SCAF4: variants seen among roughly 807,000 people sequenced by gnomAD.
SCAF4 encodes the protein SR-related CTD associated factor 4.
SCAF4 carries 25 observed loss-of-function variants against 129.8 expected under a neutral mutation model. The ratio of observed to expected loss-of-function variants is 0.19; its 90% CI spans 0.14 to 0.27. The LOEUF is 0.27. Ranked by LOEUF, SCAF4 falls within the 10% of genes least tolerant of loss-of-function variation. The pLI, the probability that SCAF4 is intolerant of heterozygous loss-of-function variation, is 1.00. For missense variants in SCAF4, 1,246 were observed against 1,457.1 expected (o/e 0.86, Z 2.36); for synonymous variants, 551 against 497.7 (o/e 1.11, Z -1.43).
In SCAF4 at chr21:31,732,047, G is replaced by A. The variant is rs554495017; in HGVS notation, c.-355C>T. The A allele has an allele frequency of 1.9e-5, 8 of 429,156 alleles. No homozygotes were observed. Among genetic ancestry groups the A allele is most frequent in the Admixed American group, 1.3e-4 (3 of 22,684 alleles). The allele number at this position is 429,156 out of a possible 1,614,324, so 26.6% of individuals were successfully genotyped here. A position where few individuals can be genotyped will look rare whatever the true frequency, so the allele number is the denominator to read the frequency against. On this transcript the variant is annotated 5_prime_UTR_variant, in exon 1 of 20. Transcript: ENST00000286835. ...CTCACACTGGCCCGGCCGGCGAGCG[G>A]GCGGGCCTCTCTCTCCCTCTCTCCA... is the stretch of plus-strand genomic sequence containing the variant.
At chr21:31,713,560 A>C (rs2050854713) in intron 1 of SCAF4, among the ~76,000 whole-genome samples, 1 of 152,250 alleles carries the variant, frequency 6.6e-6, no homozygotes, top group Non-Finnish European at 1.5e-5. Context: ...GTTGAGATCC[A>C]GGAATGAATT....
At chr21:31,717,858 C>T (rs1383813910) in intron 1 of SCAF4, among the ~76,000 whole-genome samples, 15 of 126,594 alleles carry the variant, frequency 1.2e-4, no homozygotes, top group South Asian at 4.6e-4. Context: ...CACACACACA[C>T]ACACACACAC....
chr21:31,694,385 C>A, intron 10 of SCAF4, 96 bp from the exon 11 acceptor site: 1 of 741,968 alleles, frequency 1.3e-6, no homozygotes, highest in South Asian at 2.1e-5. Flanking sequence ...ATCTCCTTCC[C>A]TGAAGCAATT....
chr21:31,678,810 C>T (rs943895892), intron 19 of SCAF4, among the ~76,000 whole-genome samples: 3 of 152,268 alleles, frequency 2.0e-5, no homozygotes, highest in South Asian at 2.1e-4. Flanking sequence ...TGTACATATC[C>T]GTGTTACACC....
chr21:31,729,902 T>A (rs887099650), intron 1 of SCAF4, among the ~76,000 whole-genome samples: 1 of 152,218 alleles, frequency 6.6e-6, no homozygotes, highest in Non-Finnish European at 1.5e-5. Context: ...AGAAAATACT[T>A]TGCTTAACAA....
At position 31,672,207 on chromosome 21, in the gene SCAF4, C is replaced by T. The variant is rs765125794; in HGVS notation, c.2636G>A (p.Arg879His). The change falls in exon 20 of 20, where the codon CGT (arginine) becomes CAT (histidine). Residue 879 changes from arginine (R) to histidine (H), a missense_variant. Physicochemically the swap from Arg to His is conservative, Grantham distance 29. Transcript: ENST00000286835. ...HLQRFPLMPP[R>H]PMPPHMMHRG... ...GTGCATCATGTGCGGTGGCATGGGA[C>T]GGGGCGGCATCAAAGGGAACCGCTG... The T allele has an allele frequency of 1.8e-5, 29 of 1,607,900 alleles. No homozygotes were observed. The highest frequency in any genetic ancestry group is 1.7e-4 in the Middle Eastern group (1 of 6,026).
chr21:31,721,283 C>T (rs2051060604), intron 1 of SCAF4, among the ~76,000 whole-genome samples: 1 of 152,168 alleles, frequency 6.6e-6, no homozygotes, highest in Non-Finnish European at 1.5e-5. Context: ...CAACTGATCC[C>T]TAAACTTGGC....
chr21:31,731,461 G>A (rs940941501), intron 1 of SCAF4, among the ~76,000 whole-genome samples: 1 of 152,174 alleles, frequency 6.6e-6, no homozygotes, highest in Non-Finnish European at 1.5e-5. Context: ...TGGGCAGTGG[G>A]GGGAGGGGTG....
chr21:31,671,121 AAAAAT>A lies in SCAF4; in HGVS notation c.*273_*277del, dbSNP rs1186020100. ...CTTGTCTTAAATTAAAAAAAAAAAA[AAAAAT>A]AGAGAGCACTTCTAATTACGATTTG... On this transcript the variant is annotated 3_prime_UTR_variant, in exon 20 of 20. Transcript: ENST00000286835. 1.2e-4 allele frequency: 36 copies of A among 296,282 alleles called. No individual in the cohort carries two copies. The highest frequency in any genetic ancestry group is 2.0e-4 in the Non-Finnish European group (33 of 162,966). The allele number at this position is 296,282 out of a possible 1,614,324, so 18.4% of individuals were successfully genotyped here.
chr21:31,727,789 TAA>T (rs796231904), intron 1 of SCAF4, among the ~76,000 whole-genome samples: 1 of 143,730 alleles, frequency 7.0e-6, no homozygotes. Context: ...GTCTCCACCT[TAA>T]AAAAAAAAAA....
Position 31,701,912 on chromosome 21 carries a change from G to T in SCAF4, c.464C>A (p.Pro155His). The change falls in exon 6 of 20, where the codon CCT becomes CAT. Residue 155 changes from proline to histidine, a missense_variant. Around this residue, in one of 6 missense-constraint regions of SCAF4, gnomAD observed 143 missense variants for 161.0 expected, o/e 0.89. Transcript: ENST00000286835. Reference protein sequence around the residue: ...AENVTNNEGSPPPPVKVSSEP... With the variant: ...AENVTNNEGSHPPPVKVSSEP... ...AGAAGAAACTTTTACTGGAGGTGGA[G>T]GTGAGCCTAAAAAAGAAAAGGGCAT... is the stretch of plus-strand genomic sequence containing the variant. 1.9e-6 allele frequency: 3 copies of T among 1,613,474 alleles called. No homozygotes were observed. Among genetic ancestry groups the T allele is most frequent in the Non-Finnish European group, 2.5e-6 (3 of 1,179,796 alleles).
At position 31,694,937 on chromosome 21, in the gene SCAF4, A is replaced by G; in HGVS notation, c.1112T>C (p.Leu371Pro). 1 of 1,614,134 alleles carries G rather than the reference A, an allele frequency of 6.2e-7. No homozygotes were observed. The highest frequency in any genetic ancestry group is 2.2e-5 in the East Asian group (1 of 44,876). ...CATGGGAGGAAATGGAGGTGTAGGAAGAAGTCCAAATCCTGGCATTTGTCC... is the reference window on the plus strand; with the variant it reads ...CATGGGAGGAAATGGAGGTGTAGGAGGAAGTCCAAATCCTGGCATTTGTCC... Reference protein sequence around the residue: ...PNGQMPGFGLLPTPPFPPMAQ... With the variant: ...PNGQMPGFGLPPTPPFPPMAQ... Residue 371 changes from leucine to proline, a missense_variant, in exon 10 of 20, where the codon CTT becomes CCT. By Grantham distance (98) the Leu-to-Pro change is moderately conservative. This residue lies in a region of SCAF4 where 236 missense variants were observed against 210.0 expected (regional missense o/e 1.12). Transcript: ENST00000286835.
At chr21:31,709,427 G>C (rs2050747527) in intron 1 of SCAF4, among the ~76,000 whole-genome samples, 1 of 151,246 alleles carries the variant, frequency 6.6e-6, no homozygotes, top group Non-Finnish European at 1.5e-5. Flanking sequence ...TAAAAGCTTA[G>C]AGTAAATTTT....
intron 19 of SCAF4, among the ~76,000 whole-genome samples, chr21:31,673,947 C>T (rs1354517766): frequency 6.6e-6 from 1 of 152,188 alleles, no homozygotes; most frequent in African/African-American, 2.4e-5. Flanking sequence ...TCTATAGGTT[C>T]AAGTGGCCAA....
intron 5 of SCAF4, 101 bp downstream of exon 5, chr21:31,702,143 T>G (rs1168841978): frequency 6.0e-6 from 9 of 1,500,490 alleles, no homozygotes; most frequent in African/African-American, 1.4e-5. Flanking sequence ...AACTCAAGTT[T>G]CCTTCTTATA....
intron 1 of SCAF4, among the ~76,000 whole-genome samples, chr21:31,724,327 A>G (rs568237988): frequency 2.0e-5 from 3 of 152,258 alleles, no homozygotes; most frequent in African/African-American, 4.8e-5. Flanking sequence ...ACCCACCTCT[A>G]TATTTTCTGT....
chr21:31,675,691 T>C (rs997798592), intron 19 of SCAF4, among the ~76,000 whole-genome samples: 1 of 152,156 alleles, frequency 6.6e-6, no homozygotes, highest in African/African-American at 2.4e-5. Context: ...AGTGCCTGAA[T>C]TCAAATTTGG....
At chr21:31,688,194 G>A (rs1307210658) in intron 16 of SCAF4, 113 bp downstream of exon 16, 2 of 570,132 alleles carry the variant, frequency 3.5e-6, no homozygotes, top group Non-Finnish European at 5.2e-6. Flanking sequence ...AATGTAATAT[G>A]CACATATATG....
chr21:31,705,555 T>C (rs1471593251), intron 2 of SCAF4, 88 bp from the exon 3 acceptor site: 1 of 532,520 alleles, frequency 1.9e-6, no homozygotes, highest in East Asian at 3.4e-5. Flanking sequence ...CTGAAATCTA[T>C]ACAATCTAAA....
Sources: gnomAD v4.1 joint callset for allele counts (sites outside exome capture counted in the v4.1 genomes callset) on GRCh38, gnomAD v4.1.1 for gene constraint, gnomAD v4.1.1 regional missense constraint, MANE v1.5 for transcripts, NCBI Gene and HGNC (gene_info 2026-07-23, HGNC 2026-07-21) for gene names.